The following BICRAL variants were observed in gnomAD, a reference collection of about 807,000 sequenced individuals.
BICRAL encodes BICRA like chromatin remodeling complex associated protein.
Under a neutral mutation model 91.8 loss-of-function variants are expected in BICRAL, and 8 were observed. That is an observed-to-expected ratio of 0.09 (90% CI 0.05 to 0.16). The LOEUF (loss-of-function observed/expected upper bound fraction) is 0.16. Ranked by LOEUF, BICRAL falls within the 10% of genes least tolerant of loss-of-function variation. The probability of loss-of-function intolerance (pLI) is 1.00; values close to 1 mark genes in which losing one functional copy is unlikely to be tolerated. For missense variants in BICRAL, 1,038 were observed against 1,310.9 expected (o/e 0.79, Z 3.21); for synonymous variants, 445 against 491.1 (o/e 0.91, Z 1.24).
At chr6:42,844,881 C>A (rs1360928290) in intron 6 of BICRAL, among the ~76,000 whole-genome samples, 2 of 152,042 alleles carry the variant, frequency 1.3e-5, no homozygotes, top group Non-Finnish European at 2.9e-5. Context: ...TGCTAGGATT[C>A]TTTGTAGACA....
intron 10 of BICRAL, among the ~76,000 whole-genome samples, chr6:42,859,133 A>G (rs376039324): frequency 5.6e-4 from 85 of 152,150 alleles, no homozygotes; most frequent in African/African-American, 1.9e-3. Flanking sequence ...CTTCACGCCT[A>G]TAAGCCCAGC....
intron 1 of BICRAL, among the ~76,000 whole-genome samples, chr6:42,766,169 C>T (rs1215390315): frequency 6.6e-6 from 1 of 152,044 alleles, no homozygotes; most frequent in African/African-American, 2.4e-5. Context: ...TCATCAATTG[C>T]TTTAGGAGTG....
chr6:42,761,393 G>A (rs1357292056), intron 1 of BICRAL, among the ~76,000 whole-genome samples: 1 of 152,202 alleles, frequency 6.6e-6, no homozygotes, highest in Non-Finnish European at 1.5e-5. Flanking sequence ...AGGTTGCAGT[G>A]AGCTGAGGTT....
intron 1 of BICRAL, among the ~76,000 whole-genome samples, chr6:42,752,134 G>A (rs897455739): frequency 1.3e-5 from 2 of 152,196 alleles, no homozygotes; most frequent in African/African-American, 4.8e-5. Context: ...ACAGTGAAAG[G>A]TGACAGTTGT....
At chr6:42,757,860 G>C (rs1562448423) in intron 1 of BICRAL, among the ~76,000 whole-genome samples, 1 of 152,228 alleles carries the variant, frequency 6.6e-6, no homozygotes, top group Non-Finnish European at 1.5e-5. Context: ...CTAAGTCGTA[G>C]AGTTAAGATT....
At chr6:42,814,519 A>ATATATATTTTTT (rs1237976324) in intron 2 of BICRAL, among the ~76,000 whole-genome samples, 5 of 80,212 alleles carry the variant, frequency 6.2e-5, no homozygotes, top group Non-Finnish European at 8.4e-5. Context: ...ATATATATAT[A>ATATATATTTTTT]TTTTTTTTTT....
rs996546260 is a variant in BICRAL, at chr6:42,837,009, A to G, written c.1839+6837A>G. Among the ~76,000 whole-genome samples the G allele has an allele frequency of 4.6e-5, 7 of 151,576 alleles. No individual in the cohort carries two copies. The South Asian group carries it at 6.2e-4, about 13-fold the overall frequency. On this transcript the variant is annotated intron_variant, in intron 6 of 12. Transcript: ENST00000314073. The stretch of plus-strand genomic sequence containing the variant: ...GCCCAGGCTGGAGTGCAATGGCACT[A>G]TCTCGGCTCACTGCAAGCTCCGCCT...
intron 6 of BICRAL, among the ~76,000 whole-genome samples, chr6:42,848,550 G>A (rs1037985118): frequency 6.6e-6 from 1 of 152,102 alleles, no homozygotes; most frequent in Non-Finnish European, 1.5e-5. Flanking sequence ...ATGTATCATT[G>A]ACAATTAATT....
At chr6:42,832,367 T>TTA (rs1554280575) in intron 6 of BICRAL, among the ~76,000 whole-genome samples, 148 of 146,774 alleles carry the variant, frequency 1.0e-3, no homozygotes, top group Middle Eastern at 3.6e-3. Flanking sequence ...AGTATATATA[T>TTA]TATATATATA....
At chr6:42,822,911 C>T in intron 4 of BICRAL, 24 bp from the exon 5 acceptor site, 1 of 1,556,252 alleles carries the variant, frequency 6.4e-7, no homozygotes, top group Non-Finnish European at 8.9e-7. Context: ...GTAGTAACCA[C>T]CTATTGAATT....
chr6:42,818,360 A>C (rs1250958107), intron 2 of BICRAL, among the ~76,000 whole-genome samples: 1 of 150,944 alleles, frequency 6.6e-6, no homozygotes, highest in African/African-American at 2.4e-5. Flanking sequence ...CCTGATAAAA[A>C]AATTTTCCTT....
intron 2 of BICRAL, among the ~76,000 whole-genome samples, chr6:42,812,436 A>T (rs1582837472): frequency 6.6e-6 from 1 of 152,274 alleles, no homozygotes; most frequent in East Asian, 1.9e-4. Context: ...CTTCAAAAAA[A>T]ATTTGTTTAA....
rs773960910 is a variant in BICRAL, at chr6:42,864,719, A to T, written c.2513A>T (p.Gln838Leu). Residue 838 changes from glutamine to leucine, a missense_variant, in exon 13 of 13, where the codon CAG (glutamine) becomes CTG (leucine). By Grantham distance (113) the Gln-to-Leu change is moderately radical. This residue lies in a region of BICRAL where 294 missense variants were observed against 292.6 expected (regional missense o/e 1.00). Transcript: ENST00000314073. Reference sequence around the variant, plus strand: ...CTTGATAAAGCTGCTCATGAGACACAGTTTGGCCGGAGTGACCAGCATGGC... The same window carrying T: ...CTTGATAAAGCTGCTCATGAGACACTGTTTGGCCGGAGTGACCAGCATGGC... ...FKLDKAAHET[Q>L]FGRSDQHGSK... is the part of the protein sequence containing the mutation. The T allele has an allele frequency of 2.5e-6, 4 of 1,614,178 alleles. No homozygotes were observed. Among genetic ancestry groups the T allele is most frequent in the Non-Finnish European group, 3.4e-6 (4 of 1,180,000 alleles).
At chr6:42,794,294 A>G (rs914755379) in intron 1 of BICRAL, among the ~76,000 whole-genome samples, 2 of 152,184 alleles carry the variant, frequency 1.3e-5, no homozygotes, top group Admixed American at 1.3e-4. Context: ...TAATACAAAG[A>G]AAAATGACAT....
At chr6:42,753,977 G>C (rs1234817757) in intron 1 of BICRAL, among the ~76,000 whole-genome samples, 3 of 146,752 alleles carry the variant, frequency 2.0e-5, no homozygotes, top group Non-Finnish European at 3.0e-5. Flanking sequence ...TCATGGGAAG[G>C]CATGAGCACT....
At position 42,853,620 on chromosome 6, in the gene BICRAL, A is replaced by G. The variant is rs1765260419; in HGVS notation, c.1946-18A>G. On this transcript the variant is annotated intron_variant, in intron 7 of 12. Coordinates refer to ENST00000314073, the MANE Select transcript of BICRAL (RefSeq NM_001393499.1). ...TACTGTTTCTTTTGAACACTGTCTC[A>G]TGTATTAATTCTAATAGGGCAGGAT... 2.6e-6 allele frequency: 4 copies of G among 1,567,698 alleles called. No homozygotes were observed. The highest frequency in any genetic ancestry group is 2.2e-5 in the East Asian group (1 of 44,662).
At chr6:42,850,716 T>G (rs527393486) in intron 6 of BICRAL, among the ~76,000 whole-genome samples, 269 of 151,704 alleles carry the variant, frequency 1.8e-3, no homozygotes, top group Non-Finnish European at 3.3e-3. Context: ...AAACTCCATT[T>G]CTACTAAAAA....
In BICRAL at chr6:42,797,802, C is replaced by T. The variant is rs184817054; in HGVS notation, c.-101-12504C>T. 8.0e-4 allele frequency among the ~76,000 whole-genome samples: 121 copies of T among 152,094 alleles called. 2 individuals carry two copies. Among genetic ancestry groups the T allele is most frequent in the Admixed American group, 6.2e-3 (95 of 15,264 alleles). ...ACCAGCCTGGCCAACATGGTGAAAC[C>T]CCATCTCTACAAAAATTGCAAAAAT... On this transcript the variant is annotated intron_variant, in intron 1 of 12. Coordinates refer to ENST00000314073, the MANE Select transcript of BICRAL (RefSeq NM_001393499.1).
intron 2 of BICRAL, among the ~76,000 whole-genome samples, chr6:42,814,768 G>A (rs1344153325): frequency 2.7e-5 from 4 of 150,098 alleles, no homozygotes; most frequent in African/African-American, 7.4e-5. Context: ...CAGGTGATCC[G>A]CCTGCCTCAG....
Sources: allele counts gnomAD v4.1 joint callset (sites outside exome capture counted in the v4.1 genomes callset), GRCh38; gene constraint gnomAD v4.1.1; regional missense constraint gnomAD v4.1.1; transcripts MANE v1.5; gene names NCBI Gene and HGNC (gene_info 2026-07-23, HGNC 2026-07-21).